FAM184B: variants seen among roughly 807,000 people sequenced by gnomAD.
FAM184B encodes protein FAM184B.
In FAM184B, 111 loss-of-function variants were observed where a neutral mutation model predicts 135.9. The observed-to-expected ratio is 0.82, with a 90% confidence interval of 0.70 to 0.96. The LOEUF is 0.96. Among genes scored for constraint, FAM184B ranks in the 40% least tolerant of loss-of-function variants. FAM184B has a pLI of 0.00. For missense variants in FAM184B, 1,375 were observed against 1,323.9 expected (o/e 1.04, Z -0.60); for synonymous variants, 552 against 524.8 (o/e 1.05, Z -0.71).
rs1193989633 is a variant in FAM184B, at chr4:17,653,078, G to C, written c.2038-95C>G. The C allele has an allele frequency of 6.7e-6, 8 of 1,197,966 alleles. No homozygotes were observed. The African/African-American group carries it at 9.1e-5, about 14-fold the overall frequency. The allele number at this position is 1,197,966 out of a possible 1,614,324, so 74.2% of individuals were successfully genotyped here. ...AAGCTCTTCTGAGCCAGGATGCTCT[G>C]AACACTCGCACTCTCCCATGGAGGG... On this transcript the variant is annotated intron_variant, in intron 10 of 17. Transcript: ENST00000265018.
intron 1 of FAM184B, among the ~76,000 whole-genome samples, chr4:17,757,699 C>T (rs1277992676): frequency 1.3e-5 from 2 of 150,228 alleles, no homozygotes; most frequent in Admixed American, 6.6e-5. Context: ...GTACATTATA[C>T]CGTATACTTT....
chr4:17,705,511 T>C (rs1465915267), intron 4 of FAM184B, among the ~76,000 whole-genome samples: 1 of 152,170 alleles, frequency 6.6e-6, no homozygotes, highest in Non-Finnish European at 1.5e-5. Flanking sequence ...CCTAAGCCAG[T>C]TTCCAGTTTC....
At chr4:17,734,801 T>C (rs1212003387) in intron 1 of FAM184B, among the ~76,000 whole-genome samples, 1 of 150,542 alleles carries the variant, frequency 6.6e-6, no homozygotes, top group Non-Finnish European at 1.5e-5. Context: ...GAACTAGAAA[T>C]ACCATTTGAC....
Position 17,632,585 on chromosome 4 carries a change from G to A in FAM184B, c.3130C>T (p.Gln1044Ter). Residue 1044 changes from glutamine to a stop codon, truncating the protein, a stop_gained, in exon 18 of 18, where the codon CAG becomes TAG. Coordinates refer to ENST00000265018, the MANE Select transcript of FAM184B (RefSeq NM_015688.2). LOFTEE classifies it high-confidence loss of function. ...TCCTGGTGCGGAGAGCCCTGTTTCT[G>A]CTGGACTTCTTTGGCTTGGGCCGTT... ...GETAQAKEVQ[Q>*]KQGSPHQEWF... The A allele has an allele frequency of 6.4e-7, 1 of 1,551,360 alleles. No homozygotes were observed. Among genetic ancestry groups the A allele is most frequent in the Non-Finnish European group, 8.7e-7 (1 of 1,146,766 alleles).
At chr4:17,645,084 A>T (rs1715431552) in intron 12 of FAM184B, among the ~76,000 whole-genome samples, 2 of 152,192 alleles carry the variant, frequency 1.3e-5, no homozygotes, top group African/African-American at 4.8e-5. Flanking sequence ...ATAAAAGAGG[A>T]TACAAACAAA....
At chr4:17,639,445 A>AC (rs1715244845) in intron 13 of FAM184B, 49 bp from the exon 14 acceptor site, 7 of 1,544,556 alleles carry the variant, frequency 4.5e-6, no homozygotes, top group Non-Finnish European at 6.1e-6. Context: ...CAGGGATGGC[A>AC]CCCCTTGGGC....
intron 1 of FAM184B, among the ~76,000 whole-genome samples, chr4:17,726,471 A>G (rs747475763): frequency 6.6e-6 from 1 of 151,984 alleles, no homozygotes; most frequent in Non-Finnish European, 1.5e-5. Flanking sequence ...TCCCAGGTTC[A>G]AGTGACTCTT....
intron 15 of FAM184B, 130 bp downstream of exon 15, chr4:17,636,398 C>T (rs909874195): frequency 1.9e-5 from 14 of 754,924 alleles, no homozygotes; most frequent in Admixed American, 4.6e-5. Flanking sequence ...CCACCGCGCA[C>T]GGCAAGAAAG....
intron 11 of FAM184B, among the ~76,000 whole-genome samples, chr4:17,649,303 G>C (rs1218482835): frequency 6.6e-6 from 1 of 152,072 alleles, no homozygotes; most frequent in African/African-American, 2.4e-5. Context: ...ATGAAAAATT[G>C]GCCAGGCGTG....
At chr4:17,744,159 G>C (rs1350274678) in intron 1 of FAM184B, among the ~76,000 whole-genome samples, 1 of 152,146 alleles carries the variant, frequency 6.6e-6, no homozygotes, top group Non-Finnish European at 1.5e-5. Context: ...AATTAAGCCA[G>C]ATCTGCTTGG....
intron 1 of FAM184B, among the ~76,000 whole-genome samples, chr4:17,728,403 A>G (rs1450368294): frequency 6.6e-6 from 1 of 152,162 alleles, no homozygotes; most frequent in African/African-American, 2.4e-5. Context: ...AAAAATTACA[A>G]TGAAAATTAA....
At chr4:17,642,319 C>T in intron 12 of FAM184B, 91 bp from the exon 13 acceptor site, 1 of 1,378,692 alleles carries the variant, frequency 7.3e-7, no homozygotes, top group Non-Finnish European at 9.3e-7. Context: ...GAGATGGAGA[C>T]CCACTGGCAC....
intron 5 of FAM184B, among the ~76,000 whole-genome samples, chr4:17,700,918 GA>G (rs200299009): frequency 4.7e-4 from 71 of 150,000 alleles, no homozygotes; most frequent in African/African-American, 1.1e-3. Context: ...ATAGAAATAT[GA>G]AAAAAAAATC....
chr4:17,681,883 G>T (rs187448820), intron 7 of FAM184B, among the ~76,000 whole-genome samples: 3 of 152,282 alleles, frequency 2.0e-5, no homozygotes, highest in East Asian at 3.9e-4. Context: ...TGGACAGAAA[G>T]CTTCCTCTCC....
At chr4:17,751,035 C>T (rs535083578) in intron 1 of FAM184B, among the ~76,000 whole-genome samples, 211 of 152,086 alleles carry the variant, frequency 1.4e-3, no homozygotes, top group Non-Finnish European at 2.2e-3. Context: ...GGGCCGGGTG[C>T]GGTGGTTCAC....
At position 17,781,270 on chromosome 4, in the gene FAM184B, G is replaced by A. The variant is rs1403394659; in HGVS notation, c.30C>T (p.Asn10=). 6.5e-7 allele frequency: 1 copy of A among 1,550,172 alleles called. No homozygotes were observed. The highest frequency in any genetic ancestry group is 2.0e-5 in the Admixed American group (1 of 50,788). Residue 10 remains asparagine (N), a synonymous_variant, in exon 1 of 18, where the codon AAC becomes AAT. Transcript: ENST00000265018. This position sits in a 1 kb window ranked among gnomAD's most constrained non-coding sequence, Gnocchi z 6.5. ...TGGAGCCCTGGCAAGTGCCGGGCGG[G>A]TTAATTTTGCTGTTGAGAGCAGAAG... MASALNSKI[N]PPGTCQGSKA... is the part of the protein sequence containing the mutation.
At chr4:17,639,869 C>T (rs1448450725) in intron 13 of FAM184B, among the ~76,000 whole-genome samples, 1 of 150,910 alleles carries the variant, frequency 6.6e-6, no homozygotes, top group Non-Finnish European at 1.5e-5. Context: ...GCTCTTGTTG[C>T]TCAGGGTGGA....
intron 1 of FAM184B, among the ~76,000 whole-genome samples, chr4:17,768,176 G>T (rs1718739845): frequency 6.6e-6 from 1 of 152,090 alleles, no homozygotes; most frequent in East Asian, 1.9e-4. Flanking sequence ...TTTCTTCAAA[G>T]ACATCAAGCA....
chr4:17,700,202 T>C (rs535496639), intron 5 of FAM184B, among the ~76,000 whole-genome samples: 7 of 152,122 alleles, frequency 4.6e-5, no homozygotes, highest in Admixed American at 1.3e-4. Context: ...ATAATTACAT[T>C]AAATGTGAAT....
Sources: allele counts gnomAD v4.1 joint callset (sites outside exome capture counted in the v4.1 genomes callset), GRCh38; gene constraint gnomAD v4.1.1; non-coding constraint Gnocchi (gnomAD v3.1); transcripts MANE v1.5; gene names NCBI Gene and HGNC (gene_info 2026-07-23, HGNC 2026-07-21).